ABLIM1: variants seen among roughly 807,000 people sequenced by gnomAD.
The protein encoded by ABLIM1 is actin-binding LIM protein 1.
In ABLIM1, 40 loss-of-function variants were observed where a neutral mutation model predicts 107.0. The ratio of observed to expected loss-of-function variants is 0.37; its 90% confidence interval spans 0.29 to 0.49. The LOEUF (loss-of-function observed/expected upper bound fraction) is 0.49. Ranked by LOEUF, ABLIM1 falls within the 20% of genes least tolerant of loss-of-function variation. The pLI is 0.97. For missense variants in ABLIM1, 857 were observed against 1,008.5 expected, an observed-to-expected ratio of 0.85 and a Z score of 2.04; for synonymous variants, 357 against 357.3, an observed-to-expected ratio of 1.00 and a Z score of 0.01.
chr10:114,675,030 G>A (rs1043560888), intron 1 of ABLIM1, among the ~76,000 whole-genome samples: 2 of 152,014 alleles, frequency 1.3e-5, no homozygotes, highest in East Asian at 1.9e-4. Flanking sequence ...CTGTATCAGC[G>A]TGGTTATAAC....
intron 2 of ABLIM1, among the ~76,000 whole-genome samples, chr10:114,590,288 T>C (rs1234298316): frequency 1.3e-5 from 2 of 152,248 alleles, no homozygotes; most frequent in East Asian, 3.9e-4. Flanking sequence ...TTGAGTGACA[T>C]AAGATGTACT....
intron 1 of ABLIM1, among the ~76,000 whole-genome samples, chr10:114,603,311 A>G (rs1036202802): frequency 6.6e-6 from 1 of 152,190 alleles, no homozygotes; most frequent in African/African-American, 2.4e-5. Flanking sequence ...TGAACAAGAT[A>G]GTCCAAATAA....
chr10:114,727,766 G>A (rs1288150711), intron 1 of ABLIM1, among the ~76,000 whole-genome samples: 1 of 152,158 alleles, frequency 6.6e-6, no homozygotes, highest in Non-Finnish European at 1.5e-5. Context: ...ACCAGCCTGG[G>A]CAACATGGAG....
chr10:114,471,039 C>A (rs2133902927), intron 10 of ABLIM1, among the ~76,000 whole-genome samples: 1 of 152,298 alleles, frequency 6.6e-6, no homozygotes, highest in South Asian at 2.1e-4. Flanking sequence ...CGTGTGCCAT[C>A]ATTCCTGGCT....
chr10:114,664,686 G>A (rs2079942711), intron 1 of ABLIM1, among the ~76,000 whole-genome samples: 1 of 151,514 alleles, frequency 6.6e-6, no homozygotes, highest in Non-Finnish European at 1.5e-5. Flanking sequence ...TGAGATTACA[G>A]GTGTATGCCA....
At chr10:114,751,524 G>T (rs192158795) in intron 1 of ABLIM1, among the ~76,000 whole-genome samples, 1 of 151,710 alleles carries the variant, frequency 6.6e-6, no homozygotes, top group Non-Finnish European at 1.5e-5. Context: ...AGGCTGAGGC[G>T]GCAGATCACG....
intron 12 of ABLIM1, among the ~76,000 whole-genome samples, chr10:114,462,536 G>C (rs2133402668): frequency 6.6e-6 from 1 of 152,242 alleles, no homozygotes; most frequent in Admixed American, 6.5e-5. Flanking sequence ...TGACTGCTCT[G>C]AGAGTCGGCT....
intron 3 of ABLIM1, among the ~76,000 whole-genome samples, chr10:114,574,039 T>C (rs1227214326): frequency 6.6e-6 from 1 of 152,234 alleles, no homozygotes; most frequent in Non-Finnish European, 1.5e-5. Context: ...ATTTAAATAA[T>C]TTTATTATGA....
chr10:114,607,235 G>C (rs935626779), intron 1 of ABLIM1, among the ~76,000 whole-genome samples: 12 of 152,152 alleles, frequency 7.9e-5, no homozygotes, highest in Non-Finnish European at 1.8e-4. Context: ...GCTAATTTTT[G>C]TATTTTAGTG....
chr10:114,665,668 A>T (rs2079995562), intron 1 of ABLIM1, among the ~76,000 whole-genome samples: 1 of 152,224 alleles, frequency 6.6e-6, no homozygotes. Context: ...GTTGGCATGG[A>T]TCCACAAATA....
intron 4 of ABLIM1, among the ~76,000 whole-genome samples, chr10:114,550,343 T>G (rs2497722): frequency 0.78 from 118,554 of 152,008 alleles, 46,894 homozygotes; most frequent in African/African-American, 0.93. Context: ...ATTTTTAAAG[T>G]TTAGGAGCAC....
upstream of ABLIM1, among the ~76,000 whole-genome samples, chr10:114,772,831 AT>A (rs958860822): frequency 3.9e-5 from 6 of 152,306 alleles, no homozygotes; most frequent in South Asian, 2.1e-4. Flanking sequence ...TAACAAAAAA[AT>A]AACAAAAGAT....
intron 1 of ABLIM1, among the ~76,000 whole-genome samples, chr10:114,668,748 G>C (rs2080129543): frequency 6.6e-6 from 1 of 152,164 alleles, no homozygotes; most frequent in African/African-American, 2.4e-5. Context: ...AATGAGATTT[G>C]GTGGAAAGAG....
At position 114,459,748 on chromosome 10, in the gene ABLIM1, C is replaced by T. The variant is rs551085515; in HGVS notation, c.1441+5950G>A. ...ATTTCATATGAACAAACTATAGGCA[C>T]ACGTCTAGTAAAAAGAAAAAGGGAG... is the stretch of plus-strand genomic sequence containing the variant. On this transcript the variant is annotated intron_variant, in intron 12 of 22. Transcript: ENST00000533213. 2.6e-5 allele frequency among the ~76,000 whole-genome samples: 4 copies of T among 152,272 alleles called. No individual in the cohort carries two copies. In the South Asian group the frequency reaches 8.3e-4, roughly 32 times the overall value.
chr10:114,778,030 T>C, the ABLIM1 span: 5 of 152,212 alleles, frequency 3.3e-5, no homozygotes, highest in Non-Finnish European at 7.3e-5. Context: ...GCCTGTCATA[T>C]TTTTTCAAAA....
chr10:114,730,780 C>A (rs2082056245), intron 1 of ABLIM1, among the ~76,000 whole-genome samples: 1 of 152,092 alleles, frequency 6.6e-6, no homozygotes, highest in Non-Finnish European at 1.5e-5. Context: ...TTTCATCACA[C>A]CAAAATAAAA....
At chr10:114,758,764 T>G (rs1307493017) in intron 1 of ABLIM1, among the ~76,000 whole-genome samples, 1 of 152,210 alleles carries the variant, frequency 6.6e-6, no homozygotes, top group African/African-American at 2.4e-5. Context: ...GTAAAGACCC[T>G]GGACACAGCC....
At chr10:114,738,946 A>G (rs2082236672) in intron 1 of ABLIM1, among the ~76,000 whole-genome samples, 1 of 152,196 alleles carries the variant, frequency 6.6e-6, no homozygotes, top group South Asian at 2.1e-4. Context: ...ATGTCTTAGT[A>G]ATGGGGGTGA....
At chr10:114,627,525 A>C (rs1372948642) in intron 1 of ABLIM1, among the ~76,000 whole-genome samples, 1 of 151,982 alleles carries the variant, frequency 6.6e-6, no homozygotes, top group Non-Finnish European at 1.5e-5. Context: ...TTTGCCTAAC[A>C]CAGAAAGGGC....
Sources: gnomAD v4.1 joint callset for allele counts (sites outside exome capture counted in the v4.1 genomes callset) on GRCh38, gnomAD v4.1.1 for gene constraint, MANE v1.5 for transcripts, NCBI Gene and HGNC (gene_info 2026-07-23, HGNC 2026-07-21) for gene names.